Variants in SI observed in about 807,000 individuals in gnomAD.
SI encodes sucrase-isomaltase, intestinal.
SI carries 235 observed loss-of-function variants against 253.3 expected under a neutral mutation model. The ratio of observed to expected loss-of-function variants is 0.93; its 90% CI spans 0.83 to 1.03. The LOEUF is 1.03. Among genes scored for constraint, SI ranks in the 50% least tolerant of loss-of-function variants. The pLI, the probability that SI is intolerant of heterozygous loss-of-function variation, is 0.00. For synonymous variants in SI, 819 were observed against 712.0 expected, an observed-to-expected ratio of 1.15 and a Z score of -2.39; for missense variants, 2,442 against 2,211.1, an observed-to-expected ratio of 1.10 and a Z score of -2.09.
rs1274137502 is a variant in SI at position 165,063,490 on chromosome 3, T to C, written c.859A>G (p.Thr287Ala). The C allele has an allele frequency of 1.3e-6, 2 of 1,569,008 alleles. No individual in the cohort carries two copies. The highest frequency in any genetic ancestry group is 1.1e-5 in the South Asian group (1 of 88,808). ...AAAACACCGAATGACTTTCCAGATG[T>C]ATCTTCAATACACATAAAGAATGTT... ...HQTFFMCIED[T>A]SGKSFGVFLM... Residue 287 changes from threonine to alanine, a missense_variant, in exon 8 of 48, where the codon ACA becomes GCA. Transcript: ENST00000264382.
At chr3:164,982,436 A>G (rs1381938568) in intron 46 of SI, 26 bp from the exon 47 acceptor site, 1 of 1,547,580 alleles carries the variant, frequency 6.5e-7, no homozygotes, top group East Asian at 2.3e-5. Context: ...AAGGAATAAC[A>G]TAAACACTTT....
chr3:165,026,314 G>T (rs537328925), intron 25 of SI, among the ~76,000 whole-genome samples: 1 of 151,402 alleles, frequency 6.6e-6, no homozygotes, highest in East Asian at 1.9e-4. Context: ...CCTAACACTG[G>T]AGGTCCCAAA....
At chr3:165,039,182 A>T in intron 19 of SI, 48 bp from the exon 20 acceptor site, 1 of 1,284,840 alleles carries the variant, frequency 7.8e-7, no homozygotes, top group Non-Finnish European at 1.1e-6. Context: ...TTTAACAAGG[A>T]GGATCTTATC....
intron 18 of SI, 21 bp downstream of exon 18, chr3:165,040,919 A>C: frequency 6.3e-7 from 1 of 1,577,542 alleles, no homozygotes; most frequent in East Asian, 2.2e-5. Flanking sequence ...TATTATTATA[A>C]TTATTGTACG....
At chr3:165,090,119 G>C in the SI span, among the ~76,000 whole-genome samples, 1 of 149,690 alleles carries the variant, frequency 6.7e-6, no homozygotes. Context: ...TGAGGGTGGA[G>C]GCTTTATAAT....
chr3:165,054,890 T>C (rs1713619445), intron 13 of SI, among the ~76,000 whole-genome samples: 2 of 152,138 alleles, frequency 1.3e-5, no homozygotes, highest in Non-Finnish European at 2.9e-5. Context: ...CCAAATCTTA[T>C]TAACTAATTT....
upstream of SI, among the ~76,000 whole-genome samples, chr3:165,078,761 A>C (rs1715164088): frequency 6.6e-6 from 1 of 151,562 alleles, no homozygotes; most frequent in Admixed American, 6.6e-5. Flanking sequence ...TTCTCTTTTC[A>C]AAATTATATT....
At chr3:165,073,230 C>T (rs1439716305) in intron 3 of SI, among the ~76,000 whole-genome samples, 1 of 88,224 alleles carries the variant, frequency 1.1e-5, no homozygotes, top group Non-Finnish European at 2.4e-5. Flanking sequence ...CTCTCTCTGT[C>T]TCTTTCCCTC....
At position 165,030,885 on chromosome 3, in the gene SI, A is replaced by AG. The variant is rs778827263; in HGVS notation, c.2737-19_2737-18insC. The AG allele has an allele frequency of 4.6e-6, 7 of 1,523,146 alleles. No homozygotes were observed. Among genetic ancestry groups the AG allele is most frequent in the South Asian group, 3.8e-5 (3 of 79,158 alleles). The allele number at this position is 1,523,146 out of a possible 1,614,324, so 94.4% of individuals were successfully genotyped here. On this transcript the variant is annotated intron_variant, in intron 24 of 47. Transcript: ENST00000264382. Reference sequence around the variant, plus strand: ...AGGAGAACCTTTGAAGACAAAAAAAAAAAAAGAAAAAAAGAAAAAAAAAAC... The same window carrying AG: ...AGGAGAACCTTTGAAGACAAAAAAAAGAAAAAGAAAAAAAGAAAAAAAAAAC...
chr3:165,039,541 C>G (rs2108216576), intron 19 of SI, among the ~76,000 whole-genome samples: 1 of 152,042 alleles, frequency 6.6e-6, no homozygotes, highest in Non-Finnish European at 1.5e-5. Context: ...TCCAGTTCCT[C>G]TTTATTTACA....
chr3:164,980,066 T>C (rs1173178878), intron 47 of SI, among the ~76,000 whole-genome samples: 1 of 151,838 alleles, frequency 6.6e-6, no homozygotes, highest in East Asian at 1.9e-4. Flanking sequence ...TCCAATGAAC[T>C]GATAAGATTT....
chr3:165,046,919 T>C lies in SI; in HGVS notation c.1809A>G (p.Gly603=), dbSNP rs756766278. The C allele has an allele frequency of 1.2e-6, 2 of 1,613,136 alleles. No individual in the cohort carries two copies. Among genetic ancestry groups the C allele is most frequent in the Non-Finnish European group, 1.7e-6 (2 of 1,179,432 alleles). ...TTTGTTCCCATGAAGCAGTATTGTC[T>C]CCTAACCAATGCGCAGCATGTCTTC... The part of the protein sequence containing the change: ...GSGRHAAHWL[G]DNTASWEQME... Residue 603 remains glycine, a synonymous_variant, in exon 16 of 48, where the codon GGA becomes GGG. Transcript: ENST00000264382.
chr3:165,074,372 A>G lies in SI; in HGVS notation c.255+159T>C, dbSNP rs566679571. ...AAGGAAAGCAAGGTCAGTAACTTCT[A>G]TTATCTATCATTTTTAATAGGAAGC... On this transcript the variant is annotated intron_variant, in intron 3 of 47. Coordinates refer to ENST00000264382, the MANE Select transcript of SI (RefSeq NM_001041.4). 1.2e-5 allele frequency: 5 copies of G among 410,686 alleles called. No homozygotes were observed. In the East Asian group the frequency reaches 1.6e-4, roughly 13 times the overall value. The allele number at this position is 410,686 out of a possible 1,614,324, so 25.4% of individuals were successfully genotyped here.
chr3:165,064,085 A>C (rs1436954609), intron 7 of SI, among the ~76,000 whole-genome samples: 2 of 151,460 alleles, frequency 1.3e-5, no homozygotes, highest in Non-Finnish European at 2.9e-5. Context: ...TAAATAAATA[A>C]AATAAAAAAT....
chr3:164,994,425 C>T lies in SI; in HGVS notation c.4693-20G>A. The T allele has an allele frequency of 6.2e-7, 1 of 1,608,400 alleles. No homozygotes were observed. The highest frequency in any genetic ancestry group is 1.3e-5 in the African/African-American group (1 of 74,770). On this transcript the variant is annotated intron_variant, in intron 40 of 47. Transcript: ENST00000264382. The stretch of plus-strand genomic sequence containing the variant: ...TTGTCTCTGAAACAAAGCAAAATAA[C>T]ATAGTTATAAGCTTTGGTCCTTGTT...
In SI at chr3:165,037,991, C is replaced by T. The variant is rs1424304245; in HGVS notation, c.2335G>A (p.Asp779Asn). 1 of 1,606,870 alleles carries T rather than the reference C, an allele frequency of 6.2e-7. No individual in the cohort carries two copies. The highest frequency in any genetic ancestry group is 1.1e-5 in the South Asian group (1 of 90,924). Residue 779 changes from aspartate (D) to asparagine (N), a missense_variant, in exon 21 of 48, where the codon GAT (aspartate) becomes AAT (asparagine). Coordinates refer to ENST00000264382, the MANE Select transcript of SI (RefSeq NM_001041.4). The stretch of plus-strand genomic sequence containing the variant: ...ATTTTGTCTGCTGGAAGATACATAT[C>T]AACCCGTTGTTTCCTCCATGGCCTT... ...AKRPWRKQRV[D>N]MYLPADKIGL...
intron 15 of SI, 85 bp downstream of exon 15, chr3:165,049,042 C>A: frequency 1.2e-6 from 1 of 848,914 alleles, no homozygotes; most frequent in Non-Finnish European, 2.1e-6. Flanking sequence ...TTTGCTATTT[C>A]CTAATTATGA....
chr3:165,002,689 C>T (rs1718309459), intron 37 of SI, among the ~76,000 whole-genome samples: 1 of 151,540 alleles, frequency 6.6e-6, no homozygotes, highest in Admixed American at 6.6e-5. Flanking sequence ...TGTTTTTTTA[C>T]ATTTGTCAAG....
intron 24 of SI, among the ~76,000 whole-genome samples, chr3:165,031,893 C>T (rs569742178): frequency 2.0e-5 from 3 of 151,012 alleles, no homozygotes; most frequent in South Asian, 2.1e-4. Context: ...TGATTTAATG[C>T]GTTTAGAAGC....
Sources: allele counts gnomAD v4.1 joint callset (sites outside exome capture counted in the v4.1 genomes callset), GRCh38; gene constraint gnomAD v4.1.1; transcripts MANE v1.5; gene names NCBI Gene and HGNC (gene_info 2026-07-23, HGNC 2026-07-21).